The following LDB2 variants were observed in gnomAD, a reference collection of about 807,000 sequenced individuals.
The protein encoded by LDB2 is LIM domain-binding protein 2.
In LDB2, 12 loss-of-function variants were observed where a neutral mutation model predicts 44.3. That is an observed-to-expected ratio of 0.27 (90% CI 0.17 to 0.44). The LOEUF (loss-of-function observed/expected upper bound fraction) is 0.44, where lower values mean the gene tolerates loss of function less well. Ranked by LOEUF, LDB2 falls within the 20% of genes least tolerant of loss-of-function variation. LDB2 has a pLI of 1.00. For missense variants in LDB2, 344 were observed against 473.5 expected, an observed-to-expected ratio of 0.73 and a Z score of 2.54; for synonymous variants, 164 against 174.8, an observed-to-expected ratio of 0.94 and a Z score of 0.49.
intron 2 of LDB2, among the ~76,000 whole-genome samples, chr4:16,667,919 C>T (rs1243400362): frequency 6.6e-6 from 1 of 152,140 alleles, no homozygotes; most frequent in Admixed American, 6.5e-5. Context: ...TGGTCCTCTG[C>T]TCACCTTCCA....
intron 1 of LDB2, among the ~76,000 whole-genome samples, chr4:16,841,578 A>G (rs1785902141): frequency 6.6e-6 from 1 of 152,240 alleles, no homozygotes; most frequent in African/African-American, 2.4e-5. Context: ...CAACCAACAC[A>G]TAGAAAAATA....
chr4:16,881,704 C>T (rs1720180450), intron 1 of LDB2, among the ~76,000 whole-genome samples: 1 of 150,092 alleles, frequency 6.7e-6, no homozygotes, highest in Non-Finnish European at 1.5e-5. Context: ...CCACCCTCTA[C>T]TCAGACAATT....
intron 4 of LDB2, among the ~76,000 whole-genome samples, chr4:16,587,763 G>A (rs1434633426): frequency 2.6e-5 from 4 of 152,070 alleles, no homozygotes; most frequent in Non-Finnish European, 4.4e-5. Flanking sequence ...GCTACTTTTG[G>A]GCTAAAAAAC....
intron 2 of LDB2, among the ~76,000 whole-genome samples, chr4:16,742,791 A>G (rs1763579915): frequency 6.6e-6 from 1 of 152,178 alleles, no homozygotes; most frequent in African/African-American, 2.4e-5. Flanking sequence ...GTTCTAGCCA[A>G]CCAAAAGCAT....
At chr4:16,553,988 T>C (rs1466860652) in intron 5 of LDB2, among the ~76,000 whole-genome samples, 1 of 151,360 alleles carries the variant, frequency 6.6e-6, no homozygotes, top group Non-Finnish European at 1.5e-5. Flanking sequence ...TAAGAATCCA[T>C]CCTCTAGATC....
chr4:16,573,636 A>G (rs1021127513), intron 5 of LDB2, among the ~76,000 whole-genome samples: 1 of 152,164 alleles, frequency 6.6e-6, no homozygotes, highest in Non-Finnish European at 1.5e-5. Context: ...TTGAGGATTT[A>G]TAGTATCCTG....
At chr4:16,736,952 T>A (rs993437251) in intron 2 of LDB2, among the ~76,000 whole-genome samples, 2 of 152,192 alleles carry the variant, frequency 1.3e-5, no homozygotes, top group African/African-American at 4.8e-5. Flanking sequence ...ACAAAAAAAC[T>A]ATTCATAAAT....
chr4:16,652,811 C>G (rs574621325), intron 2 of LDB2, among the ~76,000 whole-genome samples: 1 of 152,134 alleles, frequency 6.6e-6, no homozygotes, highest in Non-Finnish European at 1.5e-5. Flanking sequence ...GCAGCTCCCC[C>G]GAGGACAGGA....
At chr4:16,764,734 C>A (rs1768816352) in intron 1 of LDB2, among the ~76,000 whole-genome samples, 1 of 152,128 alleles carries the variant, frequency 6.6e-6, no homozygotes, top group African/African-American at 2.4e-5. Context: ...AACTTAGAGC[C>A]AACATCATTG....
At chr4:16,629,809 G>A (rs529077304) in intron 2 of LDB2, among the ~76,000 whole-genome samples, 10 of 151,964 alleles carry the variant, frequency 6.6e-5, no homozygotes, top group African/African-American at 1.4e-4. Flanking sequence ...TTCAATAGCC[G>A]ATTCAATCAA....
At chr4:16,745,226 C>G (rs1579278865) in intron 2 of LDB2, among the ~76,000 whole-genome samples, 1 of 152,170 alleles carries the variant, frequency 6.6e-6, no homozygotes, top group East Asian at 1.9e-4. Flanking sequence ...ACAAGGCAGG[C>G]AGAAGGCCCT....
intron 2 of LDB2, 65 bp from the exon 3 acceptor site, chr4:16,595,940 C>T: frequency 6.7e-7 from 1 of 1,484,386 alleles, no homozygotes; most frequent in Non-Finnish European, 9.2e-7. Context: ...ACACACCCAA[C>T]ACCATTGCCA....
intron 1 of LDB2, among the ~76,000 whole-genome samples, chr4:16,783,847 T>G (rs1386167426): frequency 4.6e-5 from 7 of 152,234 alleles, no homozygotes; most frequent in Non-Finnish European, 1.0e-4. Context: ...TCCCCCCTTT[T>G]GCCTTTTTAA....
chr4:16,732,615 A>G (rs1174995649), intron 2 of LDB2, among the ~76,000 whole-genome samples: 1 of 152,216 alleles, frequency 6.6e-6, no homozygotes, highest in Admixed American at 6.5e-5. Flanking sequence ...ATTACCATCC[A>G]CAGCTATAGT....
At position 16,898,472 on chromosome 4, in the gene LDB2, G is replaced by A; in HGVS notation, c.14C>T (p.Pro5Leu). The change falls in exon 1 of 8, where the codon CCA becomes CTA. Residue 5 changes from proline to leucine, a missense_variant. By Grantham distance (98) the Pro-to-Leu change is moderately conservative. Around this residue, in one of 3 missense-constraint regions of LDB2, gnomAD observed 226 missense variants for 270.1 expected, o/e 0.84. Transcript: ENST00000304523. ...AGGAGAAGAATAGAAGGGGTCATGTGGTGTGCTGGACATCTTGCCTGCTTT... is the reference window on the plus strand; with the variant it reads ...AGGAGAAGAATAGAAGGGGTCATGTAGTGTGCTGGACATCTTGCCTGCTTT... MSST[P>L]HDPFYSSPFG... The A allele has an allele frequency of 6.2e-7, 1 of 1,613,626 alleles. No individual in the cohort carries two copies. Among genetic ancestry groups the A allele is most frequent in the Non-Finnish European group, 8.5e-7 (1 of 1,179,864 alleles).
At chr4:16,613,004 A>G (rs973790240) in intron 2 of LDB2, among the ~76,000 whole-genome samples, 3 of 152,130 alleles carry the variant, frequency 2.0e-5, no homozygotes, top group Non-Finnish European at 4.4e-5. Flanking sequence ...CTTATCCACT[A>G]CAATCAAGTC....
At chr4:16,607,137 G>A (rs1390656249) in intron 2 of LDB2, among the ~76,000 whole-genome samples, 1 of 152,142 alleles carries the variant, frequency 6.6e-6, no homozygotes, top group East Asian at 1.9e-4. Flanking sequence ...CCCTTGAAAG[G>A]GGATTTTGAA....
At chr4:16,664,128 T>C (rs1002898701) in intron 2 of LDB2, among the ~76,000 whole-genome samples, 8 of 152,174 alleles carry the variant, frequency 5.3e-5, no homozygotes, top group African/African-American at 1.9e-4. Flanking sequence ...ATGATGGTAT[T>C]AGGAGGCTGG....
chr4:16,794,774 C>A (rs189087005), intron 1 of LDB2, among the ~76,000 whole-genome samples: 6 of 152,314 alleles, frequency 3.9e-5, no homozygotes, highest in African/African-American at 1.4e-4. Flanking sequence ...GGGGTTCAAC[C>A]TATTATTAAA....
Sources: allele counts gnomAD v4.1 joint callset (sites outside exome capture counted in the v4.1 genomes callset), GRCh38; gene constraint gnomAD v4.1.1; regional missense constraint gnomAD v4.1.1; transcripts MANE v1.5; gene names NCBI Gene and HGNC (gene_info 2026-07-23, HGNC 2026-07-21).